PXDNL: variants seen among roughly 807,000 people sequenced by gnomAD.
PXDNL encodes peroxidasin like.
Under a neutral mutation model 150.8 loss-of-function variants are expected in PXDNL, and 145 were observed. The ratio of observed to expected loss-of-function variants is 0.96; its 90% CI spans 0.84 to 1.10. The LOEUF (loss-of-function observed/expected upper bound fraction) is 1.10. PXDNL is among the 50% of genes least tolerant of loss of function. The pLI, the probability that PXDNL is intolerant of heterozygous loss-of-function variation, is 0.00. For synonymous variants in PXDNL, 757 were observed against 725.7 expected (o/e 1.04, Z -0.69); for missense variants, 2,087 against 1,873.9 (o/e 1.11, Z -2.10).
chr8:51,426,662 A>G lies in PXDNL; in HGVS notation c.1622T>C (p.Ile541Thr). ...SCHAQGEPQPIITWNKEGVQI... is the reference protein window; with the variant it reads ...SCHAQGEPQPTITWNKEGVQI... ...AGATCTTACCTTATTCCAAGTAATT[A>G]TGGGCTGTGGTTCTCCTTGAGCATG... Residue 541 changes from isoleucine to threonine, a missense_variant, in exon 13 of 23, where the codon ATA (isoleucine) becomes ACA (threonine). Transcript: ENST00000356297. 1 of 1,591,172 alleles carries G rather than the reference A, an allele frequency of 6.3e-7. No homozygotes were observed. Among genetic ancestry groups the G allele is most frequent in the Non-Finnish European group, 8.6e-7 (1 of 1,161,620 alleles).
At chr8:51,702,896 A>G (rs1446066651) in intron 1 of PXDNL, among the ~76,000 whole-genome samples, 1 of 152,216 alleles carries the variant, frequency 6.6e-6, no homozygotes, top group Admixed American at 6.5e-5. Context: ...TTCTATTTCA[A>G]CATAATCTAT....
rs533635240 is a variant in PXDNL at position 51,684,514 on chromosome 8, T to C, written c.165-29754A>G. Among the ~76,000 whole-genome samples the C allele has an allele frequency of 1.2e-4, 18 of 152,320 alleles. No individual in the cohort carries two copies. In the South Asian group the frequency reaches 3.5e-3, roughly 30 times the overall value. The stretch of plus-strand genomic sequence containing the variant: ...ACTGCATATGCTTGTATAATTCTCT[T>C]CCATTCAGTGTGGGCAGAGCCTATG... On this transcript the variant is annotated intron_variant, in intron 1 of 22. Transcript: ENST00000356297.
chr8:51,559,276 T>C (rs977985615), intron 3 of PXDNL, among the ~76,000 whole-genome samples: 1 of 151,136 alleles, frequency 6.6e-6, no homozygotes, highest in Admixed American at 6.6e-5. Flanking sequence ...GAGCAGCTGA[T>C]CTCATGATGA....
intron 3 of PXDNL, among the ~76,000 whole-genome samples, chr8:51,584,079 CAATT>C (rs895350177): frequency 6.6e-5 from 10 of 152,130 alleles, no homozygotes; most frequent in Middle Eastern, 6.8e-3. Context: ...ATCAATAAAT[CAATT>C]AATTAATAAG....
At chr8:51,665,523 A>T (rs1215287224) in intron 1 of PXDNL, among the ~76,000 whole-genome samples, 1 of 152,226 alleles carries the variant, frequency 6.6e-6, no homozygotes, top group African/African-American at 2.4e-5. Flanking sequence ...GCAAACTGCG[A>T]GCTCTTGAAG....
chr8:51,434,459 T>C (rs867442428), intron 12 of PXDNL, among the ~76,000 whole-genome samples: 1 of 152,246 alleles, frequency 6.6e-6, no homozygotes, highest in Middle Eastern at 3.2e-3. Context: ...ACTTCATTTT[T>C]TCCCTTTAGA....
chr8:51,541,253 T>TAAATAAAGA (rs1554551076), intron 4 of PXDNL, among the ~76,000 whole-genome samples: 16 of 127,210 alleles, frequency 1.3e-4, no homozygotes, highest in South Asian at 2.5e-4. Flanking sequence ...TGAGACTCCA[T>TAAATAAAGA]AAAAAAAAAA....
chr8:51,342,861 G>A (rs991926859), intron 20 of PXDNL, among the ~76,000 whole-genome samples: 1 of 146,584 alleles, frequency 6.8e-6, no homozygotes, highest in Non-Finnish European at 1.5e-5. Flanking sequence ...CTGCACAGCT[G>A]GGATGCTGAT....
chr8:51,560,331 G>A (rs1812693631), intron 3 of PXDNL, among the ~76,000 whole-genome samples: 1 of 151,728 alleles, frequency 6.6e-6, no homozygotes, highest in African/African-American at 2.4e-5. Context: ...AAATCTATGT[G>A]ACATTTCAAG....
intron 2 of PXDNL, among the ~76,000 whole-genome samples, chr8:51,640,750 A>G (rs1019961072): frequency 3.3e-5 from 5 of 152,176 alleles, no homozygotes; most frequent in African/African-American, 1.2e-4. Flanking sequence ...GGGTAGGAAG[A>G]ATCAATATTG....
At chr8:51,496,587 A>C (rs945931882) in intron 5 of PXDNL, among the ~76,000 whole-genome samples, 47 of 152,140 alleles carry the variant, frequency 3.1e-4, no homozygotes, top group Non-Finnish European at 4.1e-4. Flanking sequence ...CAAAGTCTCA[A>C]GATACAGGAT....
chr8:51,643,558 A>G (rs553198945), intron 2 of PXDNL, among the ~76,000 whole-genome samples: 11 of 152,342 alleles, frequency 7.2e-5, no homozygotes, highest in African/African-American at 2.6e-4. Context: ...TGGATTAAAG[A>G]CTTAAATGTT....
At chr8:51,431,253 T>C (rs1809239457) in intron 12 of PXDNL, among the ~76,000 whole-genome samples, 2 of 152,214 alleles carry the variant, frequency 1.3e-5, no homozygotes, top group South Asian at 4.1e-4. Flanking sequence ...CTCCTTCCTT[T>C]AGAAAATACC....
At chr8:51,481,071 T>G (rs555414804) in intron 6 of PXDNL, among the ~76,000 whole-genome samples, 1 of 152,080 alleles carries the variant, frequency 6.6e-6, no homozygotes, top group African/African-American at 2.4e-5. Context: ...CAGAAGCAGA[T>G]AGAAAAATGT....
At chr8:51,533,493 CCCCCT>C in intron 4 of PXDNL, among the ~76,000 whole-genome samples, 1 of 120,654 alleles carries the variant, frequency 8.3e-6, no homozygotes, top group Non-Finnish European at 1.7e-5. Flanking sequence ...CCCTCCCCCT[CCCCCT>C]CCCCCTCCCT....
chr8:51,473,273 A>AC (rs1434076720), intron 7 of PXDNL, among the ~76,000 whole-genome samples: 5 of 133,648 alleles, frequency 3.7e-5, no homozygotes, highest in Non-Finnish European at 4.7e-5. Flanking sequence ...AGTAGAAAAT[A>AC]AACACACACA....
At chr8:51,483,608 A>G in intron 6 of PXDNL, 35 bp downstream of exon 6, 2 of 1,300,476 alleles carry the variant, frequency 1.5e-6, no homozygotes, top group East Asian at 5.0e-5. Context: ...GAAATTATAA[A>G]AGGTTTTTGT....
chr8:51,787,051 A>T (rs1453063818), intron 1 of PXDNL, among the ~76,000 whole-genome samples: 1 of 151,392 alleles, frequency 6.6e-6, no homozygotes, highest in African/African-American at 2.4e-5. Flanking sequence ...ATCTGTTTAC[A>T]GCAGAGTTTA....
intron 1 of PXDNL, among the ~76,000 whole-genome samples, chr8:51,763,265 G>GT (rs1442713122): frequency 6.6e-6 from 1 of 150,774 alleles, no homozygotes; most frequent in Non-Finnish European, 1.5e-5. Flanking sequence ...TGTCGTGCAT[G>GT]TATATATATA....
Sources: gnomAD v4.1 joint callset for allele counts (sites outside exome capture counted in the v4.1 genomes callset) on GRCh38, gnomAD v4.1.1 for gene constraint, MANE v1.5 for transcripts, NCBI Gene and HGNC (gene_info 2026-07-23, HGNC 2026-07-21) for gene names.